Variants in GALNTL6 observed in about 807,000 individuals in gnomAD.
GALNTL6 encodes polypeptide N-acetylgalactosaminyltransferase like 6, also known as polypeptide N-acetylgalactosaminyltransferase-like 6.
Under a neutral mutation model 73.7 loss-of-function variants are expected in GALNTL6, and 46 were observed. The ratio of observed to expected loss-of-function variants is 0.62; its 90% CI spans 0.49 to 0.80. The LOEUF is 0.80. Ranked by LOEUF, GALNTL6 falls within the 30% of genes least tolerant of loss-of-function variation. The pLI is 0.00. For synonymous variants in GALNTL6, 259 were observed against 263.7 expected, an observed-to-expected ratio of 0.98 and a Z score of 0.17; for missense variants, 604 against 755.0, an observed-to-expected ratio of 0.80 and a Z score of 2.34.
At chr4:172,666,222 A>T (rs1731653110) in intron 5 of GALNTL6, among the ~76,000 whole-genome samples, 2 of 152,228 alleles carry the variant, frequency 1.3e-5, no homozygotes, top group African/African-American at 2.4e-5. Flanking sequence ...CTTCAAAAAA[A>T]AATTTTTCAG....
At chr4:172,415,225 C>T (rs954532365) in intron 5 of GALNTL6, among the ~76,000 whole-genome samples, 4 of 152,184 alleles carry the variant, frequency 2.6e-5, no homozygotes, top group African/African-American at 9.6e-5. Context: ...CAACTCATGA[C>T]TCAACTGCTA....
At chr4:172,505,924 T>A (rs1734380811) in intron 5 of GALNTL6, among the ~76,000 whole-genome samples, 1 of 53,708 alleles carries the variant, frequency 1.9e-5, no homozygotes, top group African/African-American at 4.7e-5. Context: ...AAAGTTTAGT[T>A]GGGAGTAAAA....
At chr4:171,889,334 T>C (rs1384422148) in intron 2 of GALNTL6, among the ~76,000 whole-genome samples, 1 of 152,096 alleles carries the variant, frequency 6.6e-6, no homozygotes, top group African/African-American at 2.4e-5. Context: ...TAAGCATTGC[T>C]TCAGTCTTTC....
rs565178646 is a variant in GALNTL6, at chr4:172,180,879, G to A, written c.139-48777G>A. ...TTATAGCATAGTTTGAAGTCAGATAGTGTGATGCCTCAAGCTTTGTTCTTT... is the reference window on the plus strand; with the variant it reads ...TTATAGCATAGTTTGAAGTCAGATAATGTGATGCCTCAAGCTTTGTTCTTT... On this transcript the variant is annotated intron_variant, in intron 2 of 12. Transcript: ENST00000506823. 5.9e-5 allele frequency among the ~76,000 whole-genome samples: 9 copies of A among 152,278 alleles called. No individual in the cohort carries two copies. The South Asian group carries it at 8.3e-4, about 14-fold the overall frequency.
At chr4:172,823,013 C>G (rs535488375) in intron 7 of GALNTL6, among the ~76,000 whole-genome samples, 1 of 152,266 alleles carries the variant, frequency 6.6e-6, no homozygotes, top group South Asian at 2.1e-4. Context: ...GCTCCCCATT[C>G]TTCTTTAACT....
chr4:172,680,577 C>CT (rs1732581007), intron 5 of GALNTL6, among the ~76,000 whole-genome samples: 1 of 152,162 alleles, frequency 6.6e-6, no homozygotes, highest in Non-Finnish European at 1.5e-5. Context: ...TCATCCCCTC[C>CT]TTTTTTGCCA....
intron 2 of GALNTL6, among the ~76,000 whole-genome samples, chr4:172,150,794 A>G (rs1734063074): frequency 1.3e-5 from 2 of 152,236 alleles, no homozygotes; most frequent in Non-Finnish European, 2.9e-5. Context: ...TATATTTTTA[A>G]GCATACTCAC....
At chr4:172,951,991 G>C in intron 9 of GALNTL6, 46 bp from the exon 10 acceptor site, 4 of 1,476,048 alleles carry the variant, frequency 2.7e-6, no homozygotes, top group Non-Finnish European at 3.7e-6. Flanking sequence ...AACACCTTTT[G>C]AATGAATAAA....
chr4:172,092,977 G>T (rs559921180), intron 2 of GALNTL6, among the ~76,000 whole-genome samples: 1 of 149,178 alleles, frequency 6.7e-6, no homozygotes, highest in Non-Finnish European at 1.5e-5. Context: ...AGGTTCAAAC[G>T]ATTCTCCTGC....
chr4:172,107,729 T>C (rs903758780), intron 2 of GALNTL6, among the ~76,000 whole-genome samples: 3 of 149,818 alleles, frequency 2.0e-5, no homozygotes, highest in African/African-American at 4.9e-5. Context: ...TAATGTTAAA[T>C]GACGAGTTAA....
At chr4:172,433,422 G>A (rs566916866) in intron 5 of GALNTL6, among the ~76,000 whole-genome samples, 3 of 152,162 alleles carry the variant, frequency 2.0e-5, no homozygotes, top group Admixed American at 1.3e-4. Context: ...AGGGCAATAC[G>A]TTTTTATATA....
rs560430322 is a variant in GALNTL6 at position 172,107,926 on chromosome 4, A to G, written c.139-121730A>G. On this transcript the variant is annotated intron_variant, in intron 2 of 12. Coordinates refer to ENST00000506823, the MANE Select transcript of GALNTL6 (RefSeq NM_001034845.3). Reference sequence around the variant, plus strand: ...CTTTTCAATACCATTTGCCTACTAAATCTTTCTCAGAATAGTAACATGGAT... The same window carrying G: ...CTTTTCAATACCATTTGCCTACTAAGTCTTTCTCAGAATAGTAACATGGAT... 4.6e-5 allele frequency among the ~76,000 whole-genome samples: 7 copies of G among 152,290 alleles called. No individual in the cohort carries two copies. The East Asian group carries it at 1.4e-3, about 29-fold the overall frequency.
At chr4:172,217,616 A>C (rs1736536001) in intron 2 of GALNTL6, among the ~76,000 whole-genome samples, 1 of 152,054 alleles carries the variant, frequency 6.6e-6, no homozygotes, top group African/African-American at 2.4e-5. Flanking sequence ...TTTCCTTTTA[A>C]TTCATTCTTA....
chr4:172,917,977 T>C (rs1383189040), intron 8 of GALNTL6, among the ~76,000 whole-genome samples: 1 of 152,262 alleles, frequency 6.6e-6, no homozygotes, highest in East Asian at 1.9e-4. Context: ...CTATTCACAA[T>C]AGCAAAGACT....
intron 2 of GALNTL6, among the ~76,000 whole-genome samples, chr4:172,209,283 GCT>G (rs1475406862): frequency 7.2e-5 from 11 of 152,076 alleles, no homozygotes; most frequent in African/African-American, 2.4e-4. Flanking sequence ...TCCATGACAA[GCT>G]CAGTGTATAT....
chr4:172,098,258 G>A (rs1476610719), intron 2 of GALNTL6, among the ~76,000 whole-genome samples: 2 of 151,864 alleles, frequency 1.3e-5, no homozygotes, highest in African/African-American at 2.4e-5. Context: ...AATAAGATGT[G>A]AACTAAATGA....
intron 5 of GALNTL6, among the ~76,000 whole-genome samples, chr4:172,478,136 T>A (rs1407145484): frequency 6.6e-6 from 1 of 152,042 alleles, no homozygotes; most frequent in Non-Finnish European, 1.5e-5. Flanking sequence ...AAATTACGAA[T>A]GTCATTTTTC....
chr4:172,262,189 T>C (rs554986865), intron 3 of GALNTL6, among the ~76,000 whole-genome samples: 1 of 151,544 alleles, frequency 6.6e-6, no homozygotes, highest in Admixed American at 6.6e-5. Flanking sequence ...TGTGTCTTCA[T>C]TGACTTTCTG....
chr4:173,024,654 T>C (rs1253790139), intron 12 of GALNTL6, among the ~76,000 whole-genome samples: 1 of 152,198 alleles, frequency 6.6e-6, no homozygotes, highest in Admixed American at 6.5e-5. Flanking sequence ...TGATCTCGGC[T>C]CACTGCAACC....
Sources: allele counts gnomAD v4.1 joint callset (sites outside exome capture counted in the v4.1 genomes callset), GRCh38; gene constraint gnomAD v4.1.1; transcripts MANE v1.5; gene names NCBI Gene and HGNC (gene_info 2026-07-23, HGNC 2026-07-21).